FGF12: variants seen among roughly 807,000 people sequenced by gnomAD.
FGF12 encodes the protein fibroblast growth factor 12B.
FGF12 carries 14 observed loss-of-function variants against 23.6 expected under a neutral mutation model. The ratio of observed to expected loss-of-function variants is 0.59; its 90% CI spans 0.39 to 0.93. The LOEUF (loss-of-function observed/expected upper bound fraction) is 0.93. Ranked by LOEUF, FGF12 falls within the 40% of genes least tolerant of loss-of-function variation. The probability of loss-of-function intolerance (pLI) is 0.00; values close to 1 mark genes in which losing one functional copy is unlikely to be tolerated. For synonymous variants in FGF12, 62 were observed against 77.3 expected, an observed-to-expected ratio of 0.80 and a Z score of 1.04; for missense variants, 175 against 217.8, an observed-to-expected ratio of 0.80 and a Z score of 1.24.
intron 2 of FGF12, among the ~76,000 whole-genome samples, chr3:192,434,978 C>T (rs1013843683): frequency 6.6e-6 from 1 of 152,154 alleles, no homozygotes; most frequent in African/African-American, 2.4e-5. Context: ...GTTTAAAGAG[C>T]ACTGAAGAAA....
chr3:192,278,128 T>C (rs1034484973), intron 4 of FGF12, among the ~76,000 whole-genome samples: 2 of 152,204 alleles, frequency 1.3e-5, no homozygotes. Context: ...AGACTGAAAA[T>C]CATCACTATG....
chr3:192,586,597 T>A (rs1047896359), intron 2 of FGF12, among the ~76,000 whole-genome samples: 1 of 152,208 alleles, frequency 6.6e-6, no homozygotes, highest in Non-Finnish European at 1.5e-5. Flanking sequence ...CTTAATTGCC[T>A]CTGACACAGT....
intron 4 of FGF12, among the ~76,000 whole-genome samples, chr3:192,313,976 A>C (rs1716095706): frequency 6.6e-6 from 1 of 152,220 alleles, no homozygotes; most frequent in Non-Finnish European, 1.5e-5. Flanking sequence ...ATAAGAGTAA[A>C]GTCCTCATAA....
intron 2 of FGF12, among the ~76,000 whole-genome samples, chr3:192,460,779 C>T (rs1382446816): frequency 2.6e-5 from 4 of 151,306 alleles, no homozygotes; most frequent in African/African-American, 9.7e-5. Flanking sequence ...ATTTAATTTG[C>T]TACTTTCAAG....
At chr3:192,721,680 C>G (rs1377901739) in intron 2 of FGF12, among the ~76,000 whole-genome samples, 1 of 152,016 alleles carries the variant, frequency 6.6e-6, no homozygotes, top group Non-Finnish European at 1.5e-5. Flanking sequence ...GTTGGCCTCC[C>G]CCAGACCTAT....
chr3:192,301,202 G>A (rs572509664), intron 4 of FGF12, among the ~76,000 whole-genome samples: 1 of 152,242 alleles, frequency 6.6e-6, no homozygotes, highest in South Asian at 2.1e-4. Context: ...TATCTGGAAG[G>A]GGATGGGTTA....
intron 4 of FGF12, among the ~76,000 whole-genome samples, chr3:192,179,721 T>C (rs954586182): frequency 3.3e-5 from 5 of 152,016 alleles, no homozygotes; most frequent in African/African-American, 4.8e-5. Flanking sequence ...AATTTTTATA[T>C]TTTTAGTAGA....
At chr3:192,620,754 C>T (rs1191113676) in intron 2 of FGF12, among the ~76,000 whole-genome samples, 2 of 152,092 alleles carry the variant, frequency 1.3e-5, no homozygotes, top group Non-Finnish European at 2.9e-5. Context: ...CAGCTGTGAG[C>T]CCCCCAACAT....
At chr3:192,218,209 G>A (rs1324275598) in intron 4 of FGF12, among the ~76,000 whole-genome samples, 2 of 152,108 alleles carry the variant, frequency 1.3e-5, no homozygotes, top group African/African-American at 4.8e-5. Context: ...AAGATAAATG[G>A]AGAACTTTAA....
intron 4 of FGF12, among the ~76,000 whole-genome samples, chr3:192,318,025 A>G (rs1319563200): frequency 6.6e-6 from 1 of 152,228 alleles, no homozygotes. Flanking sequence ...CCACAACATT[A>G]CTAGGCTTGG....
chr3:192,593,544 C>A (rs930848101), intron 2 of FGF12, among the ~76,000 whole-genome samples: 1 of 151,906 alleles, frequency 6.6e-6, no homozygotes, highest in Non-Finnish European at 1.5e-5. Context: ...TACAGATACT[C>A]AATAAATGTT....
At chr3:192,630,918 T>C (rs1715368754) in intron 2 of FGF12, among the ~76,000 whole-genome samples, 1 of 151,928 alleles carries the variant, frequency 6.6e-6, no homozygotes, top group Non-Finnish European at 1.5e-5. Flanking sequence ...ACTTCTTCAC[T>C]CTTCTTCCCC....
At chr3:192,247,854 C>T (rs538541296) in intron 4 of FGF12, among the ~76,000 whole-genome samples, 2 of 152,258 alleles carry the variant, frequency 1.3e-5, no homozygotes, top group East Asian at 1.9e-4. Flanking sequence ...AAGTATTTAG[C>T]TTCTGAAAGT....
rs534890523 is a variant in FGF12, at chr3:192,471,931, G to A, written c.14-111393C>T. ...GCAACTGCAACAGAAGATTTTTAAG[G>A]GGAAGAGTATGTTATCAAGTACCTG... On this transcript the variant is annotated intron_variant, in intron 2 of 5. Coordinates refer to ENST00000445105, the MANE Select transcript of FGF12 (RefSeq NM_004113.6). Among the ~76,000 whole-genome samples the A allele has an allele frequency of 1.1e-3, 174 of 152,188 alleles. 1 individual carries two copies. Among genetic ancestry groups the A allele is most frequent in the Admixed American group, 3.4e-3 (52 of 15,280 alleles).
Position 192,360,266 on chromosome 3 carries a change from A to T in FGF12, c.124+162T>A, listed in dbSNP as rs1039941320. 2.0e-5 allele frequency among the ~76,000 whole-genome samples: 3 copies of T among 152,196 alleles called. No individual in the cohort carries two copies. Among genetic ancestry groups the T allele is most frequent in the African/African-American group, 7.2e-5 (3 of 41,458 alleles). Reference sequence around the variant, plus strand: ...CTCCTATACTGTCTTTGCTGTAGGAAATCATAGCAAGAAGGATAAAGGAAA... The same window carrying T: ...CTCCTATACTGTCTTTGCTGTAGGATATCATAGCAAGAAGGATAAAGGAAA... On this transcript the variant is annotated intron_variant, in intron 3 of 5. Coordinates refer to ENST00000445105, the MANE Select transcript of FGF12 (RefSeq NM_004113.6). This position sits in a 1 kb window ranked among gnomAD's most constrained non-coding sequence, Gnocchi z 4.3.
chr3:192,513,907 G>C (rs762050445), intron 2 of FGF12, among the ~76,000 whole-genome samples: 1 of 152,128 alleles, frequency 6.6e-6, no homozygotes, highest in Non-Finnish European at 1.5e-5. Flanking sequence ...TAAACAATTA[G>C]AGATAGACAA....
intron 2 of FGF12, among the ~76,000 whole-genome samples, chr3:192,650,101 G>T (rs2108675288): frequency 6.6e-6 from 1 of 152,338 alleles, no homozygotes; most frequent in South Asian, 2.1e-4. Context: ...AAGAACCAAA[G>T]AGAGTCATGG....
In FGF12 at chr3:192,514,761, G is replaced by C. The variant is rs1724606396; in HGVS notation, c.14-154223C>G. On this transcript the variant is annotated intron_variant, in intron 2 of 5. Transcript: ENST00000445105. The surrounding 1 kb of genome is among the most constrained non-coding windows in gnomAD (Gnocchi z 4.9). ...GAGAAAGCTCAAGAATCTTCATGGAGAAGCGCGTGTGTGGGGTTGGTCAAC... is the reference window on the plus strand; with the variant it reads ...GAGAAAGCTCAAGAATCTTCATGGACAAGCGCGTGTGTGGGGTTGGTCAAC... 1 of 985,270 alleles carries C rather than the reference G, an allele frequency of 1.0e-6. No homozygotes were observed. Among genetic ancestry groups the C allele is most frequent in the African/African-American group, 1.7e-5 (1 of 57,240 alleles). The allele number at this position is 985,270 out of a possible 1,614,324, so 61.0% of individuals were successfully genotyped here. A position where few individuals can be genotyped will look rare whatever the true frequency, so the allele number is the denominator to read the frequency against.
At chr3:192,611,070 T>C (rs940128959) in intron 2 of FGF12, among the ~76,000 whole-genome samples, 1 of 152,058 alleles carries the variant, frequency 6.6e-6, no homozygotes, top group African/African-American at 2.4e-5. Context: ...TTTTGTCCAC[T>C]AGCATAATCT....
Sources: gnomAD v4.1 joint callset for allele counts (sites outside exome capture counted in the v4.1 genomes callset) on GRCh38, gnomAD v4.1.1 for gene constraint, Gnocchi (gnomAD v3.1) non-coding constraint, MANE v1.5 for transcripts, NCBI Gene and HGNC (gene_info 2026-07-23, HGNC 2026-07-21) for gene names.